Variants in ERBB4 observed in about 807,000 individuals in gnomAD.
ERBB4 encodes erb-b2 receptor tyrosine kinase 4, also known as receptor tyrosine-protein kinase erbB-4.
Under a neutral mutation model 158.0 loss-of-function variants are expected in ERBB4, and 42 were observed. That is an observed-to-expected ratio of 0.27 (90% CI 0.21 to 0.34). The LOEUF is 0.34. ERBB4 is among the 10% of genes least tolerant of loss of function. The pLI is 1.00. For synonymous variants in ERBB4, 583 were observed against 558.7 expected (o/e 1.04, Z -0.61); for missense variants, 1,333 against 1,624.1 (o/e 0.82, Z 3.08).
chr2:211,642,075 CTT>C (rs996302863), intron 16 of ERBB4, among the ~76,000 whole-genome samples: 15 of 152,040 alleles, frequency 9.9e-5, no homozygotes, highest in Non-Finnish European at 1.2e-4. Flanking sequence ...TGATGTGACT[CTT>C]TAGTATTTGG....
chr2:211,721,011 C>T lies in ERBB4; in HGVS notation c.883+1382G>A, dbSNP rs149985662. Among the ~76,000 whole-genome samples, 626 of 152,292 alleles carry T rather than the reference C, an allele frequency of 4.1e-3. 6 individuals carry two copies. Among genetic ancestry groups the T allele is most frequent in the African/African-American group, 0.014 (584 of 41,552 alleles). On this transcript the variant is annotated intron_variant, in intron 7 of 27. Transcript: ENST00000342788. Reference sequence around the variant, plus strand: ...GCCATTGGTGTGTCTGGCCTGCACACGTGCCATTTTATTACCTGTGGGTGT... The same window carrying T: ...GCCATTGGTGTGTCTGGCCTGCACATGTGCCATTTTATTACCTGTGGGTGT...
At chr2:212,241,177 A>G (rs944440627) in intron 1 of ERBB4, among the ~76,000 whole-genome samples, 5 of 152,124 alleles carry the variant, frequency 3.3e-5, no homozygotes, top group African/African-American at 1.2e-4. Context: ...GGTTCGCTTG[A>G]GCCCAGGAGG....
intron 20 of ERBB4, among the ~76,000 whole-genome samples, chr2:211,497,864 A>T (rs764760336): frequency 6.6e-6 from 1 of 152,176 alleles, no homozygotes; most frequent in Non-Finnish European, 1.5e-5. Context: ...TTAATTTTTC[A>T]CATAGCATCT....
intron 1 of ERBB4, among the ~76,000 whole-genome samples, chr2:212,176,201 A>T (rs776373935): frequency 1.2e-4 from 18 of 151,962 alleles, no homozygotes; most frequent in Non-Finnish European, 2.2e-4. Flanking sequence ...TTCTATCTTA[A>T]ACCTCTGTCC....
At chr2:212,319,487 T>G (rs918400822) in intron 1 of ERBB4, among the ~76,000 whole-genome samples, 1 of 150,560 alleles carries the variant, frequency 6.6e-6, no homozygotes, top group African/African-American at 2.4e-5. Context: ...TTCAAGTCAG[T>G]TTAATATGTA....
intron 19 of ERBB4, among the ~76,000 whole-genome samples, chr2:211,569,934 C>G (rs1394289365): frequency 6.6e-6 from 1 of 152,130 alleles, no homozygotes; most frequent in African/African-American, 2.4e-5. Flanking sequence ...TTAACTATTA[C>G]AATAAAGCAC....
At chr2:211,580,824 T>TATATATAA (rs1491111562) in intron 19 of ERBB4, among the ~76,000 whole-genome samples, 1 of 13,482 alleles carries the variant, frequency 7.4e-5, no homozygotes, top group Non-Finnish European at 4.4e-4. Context: ...TATATATATA[T>TATATATAA]TATATATATA....
At chr2:212,161,674 T>G (rs1188048448) in intron 1 of ERBB4, among the ~76,000 whole-genome samples, 1 of 151,898 alleles carries the variant, frequency 6.6e-6, no homozygotes, top group African/African-American at 2.4e-5. Flanking sequence ...AAGTAAATTT[T>G]GAATGAAATT....
intron 20 of ERBB4, among the ~76,000 whole-genome samples, chr2:211,462,155 C>T (rs562189250): frequency 5.3e-5 from 8 of 151,810 alleles, no homozygotes; most frequent in East Asian, 3.9e-4. Flanking sequence ...ACAATTATGG[C>T]GGAAGGCAAA....
intron 3 of ERBB4, among the ~76,000 whole-genome samples, chr2:211,869,808 A>C (rs1284473183): frequency 1.3e-5 from 2 of 152,186 alleles, no homozygotes; most frequent in Non-Finnish European, 2.9e-5. Flanking sequence ...TATTTTTAAC[A>C]TATTATTTTC....
chr2:212,350,487 T>C (rs2106339556), intron 1 of ERBB4, among the ~76,000 whole-genome samples: 1 of 152,270 alleles, frequency 6.6e-6, no homozygotes, highest in Non-Finnish European at 1.5e-5. Flanking sequence ...TAGAAAGTTC[T>C]GCGTAAAAAA....
Position 211,862,898 on chromosome 2 carries a change from A to G in ERBB4, c.422-74739T>C, listed in dbSNP as rs189830319. ...TAGCTATAGGATCGTAAATGCACCA[A>G]TCAGCGCTCTGTGTCTAACTAAAGG... is the stretch of plus-strand genomic sequence containing the variant. On this transcript the variant is annotated intron_variant, in intron 3 of 27. Coordinates refer to ENST00000342788, the MANE Select transcript of ERBB4 (RefSeq NM_005235.3). Among the ~76,000 whole-genome samples the G allele has an allele frequency of 4.9e-4, 75 of 152,302 alleles. 1 individual carries two copies. The South Asian group carries it at 7.7e-3, about 16-fold the overall frequency.
chr2:212,116,647 A>G (rs2079580904), intron 2 of ERBB4, among the ~76,000 whole-genome samples: 1 of 152,152 alleles, frequency 6.6e-6, no homozygotes, highest in Non-Finnish European at 1.5e-5. Context: ...GGGTCTCACT[A>G]TGTTACCCAA....
intron 1 of ERBB4, among the ~76,000 whole-genome samples, chr2:212,237,728 A>G (rs897656693): frequency 2.6e-5 from 4 of 152,306 alleles, no homozygotes; most frequent in Middle Eastern, 3.4e-3. Context: ...GAGTTTATCT[A>G]TAAGTCCCTG....
At chr2:212,065,895 G>A (rs1324809547) in intron 2 of ERBB4, among the ~76,000 whole-genome samples, 4 of 151,978 alleles carry the variant, frequency 2.6e-5, no homozygotes, top group Non-Finnish European at 5.9e-5. Context: ...CGATGGTGAA[G>A]GTGCCTGTAA....
intron 20 of ERBB4, among the ~76,000 whole-genome samples, chr2:211,541,800 A>G (rs2066816855): frequency 6.6e-6 from 1 of 152,064 alleles, no homozygotes; most frequent in Admixed American, 6.6e-5. Flanking sequence ...ATGGGGCATC[A>G]TTAAACTCTT....
At chr2:211,566,009 T>G (rs1346894029) in intron 19 of ERBB4, among the ~76,000 whole-genome samples, 1 of 152,174 alleles carries the variant, frequency 6.6e-6, no homozygotes, top group Admixed American at 6.5e-5. Context: ...GTTTCTATGC[T>G]TTCTTGCTGA....
intron 2 of ERBB4, among the ~76,000 whole-genome samples, chr2:212,093,343 TA>T (rs1266249904): frequency 6.6e-6 from 1 of 152,170 alleles, no homozygotes; most frequent in Non-Finnish European, 1.5e-5. Context: ...TTCTACAGAT[TA>T]AAAAATTAGA....
intron 25 of ERBB4, among the ~76,000 whole-genome samples, chr2:211,391,648 A>G (rs1354071487): frequency 6.6e-6 from 1 of 152,244 alleles, no homozygotes; most frequent in Non-Finnish European, 1.5e-5. Flanking sequence ...GAAGGCAAGT[A>G]TCAGTAAATG....
Sources: allele counts gnomAD v4.1 joint callset (sites outside exome capture counted in the v4.1 genomes callset), GRCh38; gene constraint gnomAD v4.1.1; transcripts MANE v1.5; gene names NCBI Gene and HGNC (gene_info 2026-07-23, HGNC 2026-07-21).